NEBL: variants seen among roughly 807,000 people sequenced by gnomAD.
NEBL encodes nebulette, also known as LIM and SH3 protein 2.
NEBL carries 122 observed loss-of-function variants against 140.2 expected under a neutral mutation model. The observed-to-expected ratio is 0.87, with a 90% CI of 0.75 to 1.01. NEBL has a LOEUF of 1.01. NEBL is among the 50% of genes least tolerant of loss of function. NEBL has a pLI of 0.00. For synonymous variants in NEBL, 436 were observed against 398.9 expected (o/e 1.09, Z -1.11); for missense variants, 1,365 against 1,231.3 (o/e 1.11, Z -1.62).
chr10:21,068,593 A>G (rs1835670815), intron 2 of NEBL, among the ~76,000 whole-genome samples: 1 of 152,178 alleles, frequency 6.6e-6, no homozygotes, highest in Admixed American at 6.5e-5. Flanking sequence ...GAGGGAGAGG[A>G]GGTGACACCT....
intron 3 of NEBL, among the ~76,000 whole-genome samples, chr10:21,017,446 G>T (rs1447335388): frequency 6.6e-6 from 1 of 152,146 alleles, no homozygotes; most frequent in Non-Finnish European, 1.5e-5. Flanking sequence ...CCTGACTGCT[G>T]CTTGGCGATC....
At chr10:21,177,994 C>T (rs1052428231), upstream of NEBL, among the ~76,000 whole-genome samples, 5 of 152,168 alleles carry the variant, frequency 3.3e-5, no homozygotes, top group Admixed American at 2.6e-4. Context: ...CTAGCTGACT[C>T]AAATTCACCG....
intron 7 of NEBL, among the ~76,000 whole-genome samples, chr10:20,863,481 C>A (rs942046630): frequency 2.0e-5 from 3 of 152,154 alleles, no homozygotes; most frequent in African/African-American, 7.2e-5. Flanking sequence ...TGGATGAAAT[C>A]AAACTAAAAG....
intron 2 of NEBL, among the ~76,000 whole-genome samples, chr10:21,111,780 A>G (rs556231347): frequency 3.3e-5 from 5 of 151,680 alleles, no homozygotes; most frequent in African/African-American, 1.2e-4. Context: ...AGCAAAAGAA[A>G]CTATCATCAG....
intron 3 of NEBL, among the ~76,000 whole-genome samples, chr10:20,963,893 T>C (rs1170053940): frequency 6.6e-6 from 1 of 152,198 alleles, no homozygotes; most frequent in Non-Finnish European, 1.5e-5. Context: ...CCAAGCCTCT[T>C]ACCCTCTCAG....
At chr10:20,820,820 A>G (rs561515937) in intron 19 of NEBL, among the ~76,000 whole-genome samples, 8 of 152,218 alleles carry the variant, frequency 5.3e-5, no homozygotes, top group African/African-American at 1.7e-4. Context: ...GTAAGACTCT[A>G]TCTCAAAAAA....
chr10:20,802,678 A>G, intron 26 of NEBL, among the ~76,000 whole-genome samples: 1 of 152,224 alleles, frequency 6.6e-6, no homozygotes, highest in East Asian at 1.9e-4. Flanking sequence ...GTGAACGATG[A>G]AAACCTTGTA....
intron 3 of NEBL, among the ~76,000 whole-genome samples, chr10:20,988,849 A>C (rs1409109385): frequency 6.6e-6 from 1 of 152,196 alleles, no homozygotes; most frequent in Non-Finnish European, 1.5e-5. Flanking sequence ...TTCTGCCATC[A>C]ACTTCTTGGG....
intron 26 of NEBL, among the ~76,000 whole-genome samples, chr10:20,796,367 GAAAAAAAAAAAAAAA>G (rs57844177): frequency 1.9e-5 from 1 of 51,500 alleles, no homozygotes; most frequent in East Asian, 6.4e-4. Flanking sequence ...TCTAAAACAA[GAAAAAAAAAAAAAAA>G]AAAAAAAAAA....
intron 3 of NEBL, among the ~76,000 whole-genome samples, chr10:20,962,091 C>A (rs908896180): frequency 6.6e-6 from 1 of 152,178 alleles, no homozygotes; most frequent in African/African-American, 2.4e-5. Flanking sequence ...CTACTTGATG[C>A]ATGAATCTGG....
intron 2 of NEBL, among the ~76,000 whole-genome samples, chr10:21,129,030 C>T (rs972605624): frequency 1.3e-5 from 2 of 152,114 alleles, no homozygotes; most frequent in Non-Finnish European, 2.9e-5. Context: ...TGGAAGCCAC[C>T]ACTCTAGAAT....
intron 21 of NEBL, among the ~76,000 whole-genome samples, chr10:20,817,155 G>A (rs539395102): frequency 6.4e-4 from 98 of 152,194 alleles, no homozygotes; most frequent in African/African-American, 2.1e-3. Context: ...CAAGGTGGCC[G>A]GATTGCATGA....
upstream of NEBL, among the ~76,000 whole-genome samples, chr10:20,902,052 A>G (rs1368399159): frequency 6.6e-6 from 1 of 152,164 alleles, no homozygotes; most frequent in Non-Finnish European, 1.5e-5. Flanking sequence ...ATAATCAGAA[A>G]TCGAAAGAAC....
At chr10:21,232,911 A>T (rs1220752005) in intron 3 of NEBL, among the ~76,000 whole-genome samples, 5 of 152,254 alleles carry the variant, frequency 3.3e-5, no homozygotes, top group Non-Finnish European at 5.9e-5. Flanking sequence ...TTCCAACTCA[A>T]ACTAGAACAG....
chr10:21,227,704 CTTCTTCTTTCTTCTTCTT>C (rs1842177865), intron 3 of NEBL, among the ~76,000 whole-genome samples: 1 of 74,888 alleles, frequency 1.3e-5, no homozygotes, highest in African/African-American at 6.7e-5. Context: ...TCTTCTTCTT[CTTCTTCTTTCTTCTTCTT>C]CTTCTTCTTC....
chr10:21,198,589 T>C (rs1291446784), intron 3 of NEBL, among the ~76,000 whole-genome samples: 1 of 152,196 alleles, frequency 6.6e-6, no homozygotes, highest in Non-Finnish European at 1.5e-5. Context: ...ATATTAAGAA[T>C]CTGTGCTGTA....
chr10:21,025,532 T>C (rs192778817), intron 2 of NEBL, among the ~76,000 whole-genome samples: 45 of 152,286 alleles, frequency 3.0e-4, no homozygotes, highest in African/African-American at 1.0e-3. Context: ...AAAAGTTATA[T>C]GCAAATCACT....
At chr10:21,172,165 G>T (rs1011311697) in intron 2 of NEBL, 1 of 573,780 alleles carries the variant, frequency 1.7e-6, no homozygotes, top group South Asian at 2.0e-5. Context: ...AAACTAACCT[G>T]ATTGAAGATG....
intron 3 of NEBL, among the ~76,000 whole-genome samples, chr10:21,214,492 T>G (rs2132238359): frequency 6.7e-6 from 1 of 149,612 alleles, no homozygotes; most frequent in East Asian, 2.0e-4. Flanking sequence ...CACGCGCACA[T>G]TACACACATG....
Sources: gnomAD v4.1 joint callset for allele counts (sites outside exome capture counted in the v4.1 genomes callset) on GRCh38, gnomAD v4.1.1 for gene constraint, MANE v1.5 for transcripts, NCBI Gene and HGNC (gene_info 2026-07-23, HGNC 2026-07-21) for gene names.